ZNF609: variants seen among roughly 807,000 people sequenced by gnomAD.
The protein encoded by ZNF609 is zinc finger protein 609.
In ZNF609, 11 loss-of-function variants were observed where a neutral mutation model predicts 109.5. The ratio of observed to expected loss-of-function variants is 0.10; its 90% confidence interval spans 0.06 to 0.17. The LOEUF is 0.17. ZNF609 is among the 10% of genes least tolerant of loss of function. ZNF609 has a pLI of 1.00. For missense variants in ZNF609, 1,559 were observed against 1,772.4 expected (o/e 0.88, Z 2.16); for synonymous variants, 646 against 662.0 (o/e 0.98, Z 0.37).
intron 4 of ZNF609, among the ~76,000 whole-genome samples, chr15:64,673,014 A>G (rs1210200693): frequency 2.0e-5 from 3 of 152,102 alleles, no homozygotes; most frequent in Non-Finnish European, 4.4e-5. Flanking sequence ...CAAGTTAGTA[A>G]AGTTCTTTAT....
intron 2 of ZNF609, among the ~76,000 whole-genome samples, chr15:64,560,494 C>G (rs78964183): frequency 0.025 from 3,856 of 151,900 alleles, 75 homozygotes; most frequent in South Asian, 0.057. Flanking sequence ...TTCCTGAAAT[C>G]GAAATATTCT....
In ZNF609 at chr15:64,570,751, C is replaced by T. The variant is rs555252656; in HGVS notation, c.748-52076C>T. ...TAAAATTAGCTTAGTTTTGGCCAGG[C>T]GCAGTGGCTCACACCTGTTATCCCA... is the stretch of plus-strand genomic sequence containing the variant. On this transcript the variant is annotated intron_variant, in intron 2 of 9. Transcript: ENST00000326648. Among the ~76,000 whole-genome samples the T allele has an allele frequency of 5.9e-5, 9 of 152,118 alleles. No homozygotes were observed. In the South Asian group the frequency reaches 8.3e-4, roughly 14 times the overall value.
At chr15:64,588,526 G>T (rs1827937984) in intron 2 of ZNF609, among the ~76,000 whole-genome samples, 1 of 145,508 alleles carries the variant, frequency 6.9e-6, no homozygotes, top group African/African-American at 2.5e-5. Context: ...TTTGTTATTT[G>T]TGGAGATGGT....
chr15:64,538,939 A>G lies in ZNF609; in HGVS notation c.747+38773A>G, dbSNP rs1019016453. Among the ~76,000 whole-genome samples the G allele has an allele frequency of 4.6e-5, 7 of 152,186 alleles. No individual in the cohort carries two copies. In the East Asian group the frequency reaches 9.7e-4, roughly 21 times the overall value. On this transcript the variant is annotated intron_variant, in intron 2 of 9. Transcript: ENST00000326648. ...AGCCTGGAATTCCTGGGCTCACGCA[A>G]TCGTCCCGCTTCAGCCTCCTGAGTA...
At chr15:64,597,542 C>T (rs1400871483) in intron 2 of ZNF609, among the ~76,000 whole-genome samples, 1 of 152,160 alleles carries the variant, frequency 6.6e-6, no homozygotes. Context: ...ATTTGATAAG[C>T]AGCAGCGGCA....
At position 64,676,047 on chromosome 15, in the gene ZNF609, G is replaced by A. The variant is rs761175269; in HGVS notation, c.3193G>A (p.Gly1065Ser). 1.2e-6 allele frequency: 2 copies of A among 1,614,238 alleles called. No individual in the cohort carries two copies. Among genetic ancestry groups the A allele is most frequent in the Non-Finnish European group, 1.7e-6 (2 of 1,180,048 alleles). Residue 1065 changes from glycine to serine, a missense_variant, in exon 5 of 10, where the codon GGC (glycine) becomes AGC (serine). This residue lies in a region of ZNF609 where 1,204 missense variants were observed against 1,314.1 expected (regional missense o/e 0.92). Transcript: ENST00000326648. ...SLTDLVKSGP[G>S]KAKEPGADPA... is the part of the protein sequence containing the mutation. ...GACAGACCTGGTGAAATCAGGACCTGGCAAGGCCAAGGAGCCAGGGGCTGA... is the reference window on the plus strand; with the variant it reads ...GACAGACCTGGTGAAATCAGGACCTAGCAAGGCCAAGGAGCCAGGGGCTGA...
chr15:64,501,512 G>T (rs1048711438), intron 2 of ZNF609: 12 of 152,322 alleles, frequency 7.9e-5, no homozygotes, highest in African/African-American at 2.9e-4. Flanking sequence ...CACTTCAGCA[G>T]AGTCAGGTTC....
At chr15:64,633,666 T>C (rs1158370495) in intron 3 of ZNF609, among the ~76,000 whole-genome samples, 1 of 152,196 alleles carries the variant, frequency 6.6e-6, no homozygotes, top group Non-Finnish European at 1.5e-5. Context: ...GTTGAGAAGC[T>C]GTAACAGAGA....
intron 3 of ZNF609, among the ~76,000 whole-genome samples, chr15:64,623,968 G>T (rs1410319802): frequency 6.6e-6 from 1 of 152,178 alleles, no homozygotes; most frequent in Non-Finnish European, 1.5e-5. Flanking sequence ...GAGGAGCACA[G>T]CTAATCATCT....
At chr15:64,641,439 C>G (rs1477289545) in intron 3 of ZNF609, among the ~76,000 whole-genome samples, 5 of 151,706 alleles carry the variant, frequency 3.3e-5, no homozygotes, top group Admixed American at 3.3e-4. Flanking sequence ...GTCTTGAACT[C>G]CTGACCTCAG....
At chr15:64,642,842 T>A (rs893854976) in intron 3 of ZNF609, among the ~76,000 whole-genome samples, 3 of 152,114 alleles carry the variant, frequency 2.0e-5, no homozygotes, top group Non-Finnish European at 2.9e-5. Flanking sequence ...AAATCTAAAA[T>A]TTTTTTAAAT....
chr15:64,463,245 A>G (rs926825138), intron 1 of ZNF609, among the ~76,000 whole-genome samples: 1 of 151,914 alleles, frequency 6.6e-6, no homozygotes, highest in Non-Finnish European at 1.5e-5. Flanking sequence ...AAATATAAAA[A>G]ATGTTAGCTG....
At chr15:64,641,213 T>C (rs1896248384) in intron 3 of ZNF609, among the ~76,000 whole-genome samples, 1 of 92,436 alleles carries the variant, frequency 1.1e-5, no homozygotes, top group Admixed American at 1.4e-4. Flanking sequence ...GTTACACTTG[T>C]GCTTTCTTTT....
At chr15:64,590,350 C>A (rs982028476) in intron 2 of ZNF609, among the ~76,000 whole-genome samples, 5 of 151,988 alleles carry the variant, frequency 3.3e-5, no homozygotes, top group Non-Finnish European at 7.4e-5. Flanking sequence ...GAGAGGGGTT[C>A]TTGCTCTGTT....
chr15:64,607,068 C>T lies in ZNF609; in HGVS notation c.748-15759C>T, dbSNP rs1022441226. 8.6e-5 allele frequency among the ~76,000 whole-genome samples: 13 copies of T among 151,982 alleles called. No individual in the cohort carries two copies. In the South Asian group the frequency reaches 2.7e-3, roughly 32 times the overall value. ...CTGAGGCAGGAGAATCGCTTGAACTCGGGAGGCGGAGGTTGCAGTAAGCTG... is the reference window on the plus strand; with the variant it reads ...CTGAGGCAGGAGAATCGCTTGAACTTGGGAGGCGGAGGTTGCAGTAAGCTG... On this transcript the variant is annotated intron_variant, in intron 2 of 9. Coordinates refer to ENST00000326648, the MANE Select transcript of ZNF609 (RefSeq NM_015042.2).
chr15:64,605,902 C>CTTTTTTTTTT (rs10542161), intron 2 of ZNF609, among the ~76,000 whole-genome samples: 1 of 70,688 alleles, frequency 1.4e-5, no homozygotes, highest in Non-Finnish European at 2.4e-5. Flanking sequence ...CCCGGCTAAT[C>CTTTTTTTTTT]TTTTTTTTTT....
At chr15:64,654,395 A>G (rs1896460503) in intron 3 of ZNF609, 1 of 152,114 alleles carries the variant, frequency 6.6e-6, no homozygotes, top group Non-Finnish European at 1.5e-5. Context: ...TATACATGTC[A>G]TGATATGGTA....
At chr15:64,466,006 C>G (rs552009455) in intron 1 of ZNF609, among the ~76,000 whole-genome samples, 1 of 150,480 alleles carries the variant, frequency 6.6e-6, no homozygotes, top group African/African-American at 2.4e-5. Flanking sequence ...ATTCCAGCTA[C>G]TCGGGAGGCT....
intron 2 of ZNF609, 133 bp downstream of exon 2, chr15:64,500,299 G>T: frequency 8.2e-7 from 1 of 1,212,768 alleles, no homozygotes; most frequent in African/African-American, 1.5e-5. Flanking sequence ...GGTCAGAGCA[G>T]CTGGTAATGA....
Sources: allele counts gnomAD v4.1 joint callset (sites outside exome capture counted in the v4.1 genomes callset), GRCh38; gene constraint gnomAD v4.1.1; regional missense constraint gnomAD v4.1.1; transcripts MANE v1.5; gene names NCBI Gene and HGNC (gene_info 2026-07-23, HGNC 2026-07-21).